The following ZNF804B variants were observed in gnomAD, a reference collection of about 807,000 sequenced individuals.
The protein encoded by ZNF804B is zinc finger 804B.
In ZNF804B, 80 loss-of-function variants were observed where a neutral mutation model predicts 101.4. That is an observed-to-expected ratio of 0.79 (90% CI 0.66 to 0.95). The LOEUF is 0.95. Among genes scored for constraint, ZNF804B ranks in the 40% least tolerant of loss-of-function variants. The probability of loss-of-function intolerance (pLI) is 0.00; values close to 1 mark genes in which losing one functional copy is unlikely to be tolerated. For missense variants in ZNF804B, 1,673 were observed against 1,561.9 expected (o/e 1.07, Z -1.20); for synonymous variants, 622 against 558.8 (o/e 1.11, Z -1.59).
chr7:89,192,206 T>C (rs1295103196), intron 1 of ZNF804B, among the ~76,000 whole-genome samples: 1 of 152,118 alleles, frequency 6.6e-6, no homozygotes, highest in African/African-American at 2.4e-5. Context: ...AAAATCAAGA[T>C]AGTTTAATGT....
intron 2 of ZNF804B, among the ~76,000 whole-genome samples, chr7:89,282,069 C>T (rs370251033): frequency 0.01 from 1,567 of 151,800 alleles, 30 homozygotes; most frequent in African/African-American, 0.036. Flanking sequence ...GGCGTGGTGG[C>T]GGGCGCCTGT....
chr7:89,291,274 C>G (rs1790288260), intron 2 of ZNF804B, among the ~76,000 whole-genome samples: 1 of 145,044 alleles, frequency 6.9e-6, no homozygotes, highest in Admixed American at 7.0e-5. Flanking sequence ...ATCACCTCAC[C>G]AAACAAACTA....
At chr7:88,832,275 AC>A (rs1232143212) in intron 1 of ZNF804B, among the ~76,000 whole-genome samples, 1 of 152,014 alleles carries the variant, frequency 6.6e-6, no homozygotes, top group Non-Finnish European at 1.5e-5. Flanking sequence ...TCAGCACATT[AC>A]TAATAATTTG....
At chr7:88,791,791 T>C (rs1161676007) in intron 1 of ZNF804B, among the ~76,000 whole-genome samples, 1 of 152,164 alleles carries the variant, frequency 6.6e-6, no homozygotes, top group Non-Finnish European at 1.5e-5. Context: ...TGTATTATTT[T>C]TCCACAGTGC....
At chr7:89,195,056 A>T (rs1382957771) in intron 1 of ZNF804B, among the ~76,000 whole-genome samples, 1 of 151,542 alleles carries the variant, frequency 6.6e-6, no homozygotes, top group Non-Finnish European at 1.5e-5. Context: ...AATAAATGTA[A>T]TCCAGCATAT....
At chr7:88,873,963 G>A (rs946731732) in intron 1 of ZNF804B, among the ~76,000 whole-genome samples, 1 of 152,038 alleles carries the variant, frequency 6.6e-6, no homozygotes, top group Non-Finnish European at 1.5e-5. Flanking sequence ...GCTCTTTTTT[G>A]GTTCCATATG....
Position 89,333,704 on chromosome 7 carries a change from A to G in ZNF804B, c.722A>G (p.Asn241Ser). 6.2e-7 allele frequency: 1 copy of G among 1,613,552 alleles called. No homozygotes were observed. ...LESSASVFSENTEETHDCNKS... is the reference protein window; with the variant it reads ...LESSASVFSESTEETHDCNKS... The stretch of plus-strand genomic sequence containing the variant: ...TCTTCAGCATCAGTTTTCAGTGAGA[A>G]CACAGAAGAAACCCATGATTGTAAC... Residue 241 changes from asparagine (N) to serine (S), a missense_variant, in exon 4 of 4, where the codon AAC becomes AGC. By Grantham distance (46) the Asn-to-Ser change is conservative (BLOSUM62 1). Coordinates refer to ENST00000333190, the MANE Select transcript of ZNF804B (RefSeq NM_181646.5).
chr7:88,781,533 T>C (rs960559893), intron 1 of ZNF804B, among the ~76,000 whole-genome samples: 13 of 152,228 alleles, frequency 8.5e-5, no homozygotes, highest in Non-Finnish European at 1.5e-5. Flanking sequence ...AAGTTGATCA[T>C]CATAACTGCA....
At chr7:89,332,758 A>G (rs1791006290) in intron 3 of ZNF804B, among the ~76,000 whole-genome samples, 1 of 151,846 alleles carries the variant, frequency 6.6e-6, no homozygotes, top group Non-Finnish European at 1.5e-5. Flanking sequence ...TTTCAAAATC[A>G]TTGAAGGTAT....
intron 1 of ZNF804B, among the ~76,000 whole-genome samples, chr7:89,049,594 C>A (rs984303503): frequency 6.6e-6 from 1 of 151,876 alleles, no homozygotes; most frequent in African/African-American, 2.4e-5. Context: ...CAGCTATTAC[C>A]GGAAAAGTCC....
chr7:88,909,424 G>A (rs865938399), intron 1 of ZNF804B, among the ~76,000 whole-genome samples: 1 of 151,728 alleles, frequency 6.6e-6, no homozygotes, highest in Non-Finnish European at 1.5e-5. Flanking sequence ...GCTTCAGTAA[G>A]CACTGAAAAG....
chr7:89,117,490 A>G lies in ZNF804B; in HGVS notation c.109-100665A>G, dbSNP rs370918386. Reference sequence around the variant, plus strand: ...TTGCTATGCTTACTTACCATAATTGATTAACTCTCTGGTTGTACTTTTGAA... The same window carrying G: ...TTGCTATGCTTACTTACCATAATTGGTTAACTCTCTGGTTGTACTTTTGAA... On this transcript the variant is annotated intron_variant, in intron 1 of 3. Transcript: ENST00000333190. Among the ~76,000 whole-genome samples the G allele has an allele frequency of 7.9e-5, 12 of 152,308 alleles. No individual in the cohort carries two copies. The South Asian group carries it at 2.5e-3, about 32-fold the overall frequency.
chr7:89,306,394 A>G (rs1790561970), intron 2 of ZNF804B, among the ~76,000 whole-genome samples: 1 of 152,022 alleles, frequency 6.6e-6, no homozygotes, highest in African/African-American at 2.4e-5. Context: ...CTCTGCTCTT[A>G]TTAAAACTCA....
chr7:88,920,107 A>AC (rs1792698272), intron 1 of ZNF804B, among the ~76,000 whole-genome samples: 1 of 152,118 alleles, frequency 6.6e-6, no homozygotes. Flanking sequence ...AATTTGATGC[A>AC]CAAGGTTAAA....
At chr7:88,985,251 C>CAAAA (rs58927850) in intron 1 of ZNF804B, among the ~76,000 whole-genome samples, 6 of 126,098 alleles carry the variant, frequency 4.8e-5, no homozygotes, top group African/African-American at 1.7e-4. Context: ...TTTGTTTAAC[C>CAAAA]AAAAAAAAAA....
chr7:88,801,355 G>A (rs1354787626), intron 1 of ZNF804B, among the ~76,000 whole-genome samples: 1 of 151,792 alleles, frequency 6.6e-6, no homozygotes, highest in South Asian at 2.1e-4. Context: ...TCTATGCCAC[G>A]CTCAGAAGTT....
At chr7:88,994,370 A>G (rs1793890089) in intron 1 of ZNF804B, among the ~76,000 whole-genome samples, 1 of 152,020 alleles carries the variant, frequency 6.6e-6, no homozygotes, top group Non-Finnish European at 1.5e-5. Flanking sequence ...AAGATGATGG[A>G]TATGCATTTA....
intron 2 of ZNF804B, among the ~76,000 whole-genome samples, chr7:89,264,191 C>T (rs986049042): frequency 1.3e-5 from 2 of 152,166 alleles, no homozygotes; most frequent in African/African-American, 2.4e-5. Context: ...TACCAACAAA[C>T]GTCTTTGTAA....
chr7:89,204,365 G>A (rs1331414246), intron 1 of ZNF804B, among the ~76,000 whole-genome samples: 1 of 152,124 alleles, frequency 6.6e-6, no homozygotes, highest in Non-Finnish European at 1.5e-5. Flanking sequence ...AATTGATGAG[G>A]TGGTAATTAC....
Sources: allele counts gnomAD v4.1 joint callset (sites outside exome capture counted in the v4.1 genomes callset), GRCh38; gene constraint gnomAD v4.1.1; transcripts MANE v1.5; gene names NCBI Gene and HGNC (gene_info 2026-07-23, HGNC 2026-07-21).